Variants in NBAS observed in about 807,000 individuals in gnomAD.
NBAS encodes NAG/BC035112 fusion.
In NBAS, 219 loss-of-function variants were observed where a neutral mutation model predicts 302.5. That is an observed-to-expected ratio of 0.72 (90% CI 0.65 to 0.81). The LOEUF (loss-of-function observed/expected upper bound fraction) is 0.81. Among genes scored for constraint, NBAS ranks in the 30% least tolerant of loss-of-function variants. The pLI is 0.00. For missense variants in NBAS, 2,932 were observed against 2,841.6 expected, an observed-to-expected ratio of 1.03 and a Z score of -0.72; for synonymous variants, 1,118 against 1,021.6, an observed-to-expected ratio of 1.09 and a Z score of -1.80.
At chr2:15,071,067 A>G in the NBAS span, among the ~76,000 whole-genome samples, 1 of 152,154 alleles carries the variant, frequency 6.6e-6, no homozygotes, top group African/African-American at 2.4e-5. Context: ...AGCCACTTCA[A>G]TACAATCCCA....
At chr2:15,498,533 C>G (rs1245480663) in intron 11 of NBAS, among the ~76,000 whole-genome samples, 2 of 152,182 alleles carry the variant, frequency 1.3e-5, no homozygotes, top group African/African-American at 4.8e-5. Flanking sequence ...GGCAATTCCT[C>G]AAAGACCTAA....
chr2:15,130,093 T>C, the NBAS span, among the ~76,000 whole-genome samples: 23 of 152,236 alleles, frequency 1.5e-4, no homozygotes, highest in Admixed American at 2.6e-4. Context: ...CTGGTGGCCT[T>C]TGTCAGTACA....
At chr2:14,884,453 C>A in the NBAS span, among the ~76,000 whole-genome samples, 1 of 152,064 alleles carries the variant, frequency 6.6e-6, no homozygotes, top group Non-Finnish European at 1.5e-5. Context: ...AAATTGCTCA[C>A]CCACCTCAAA....
chr2:14,925,823 C>A, the NBAS span, among the ~76,000 whole-genome samples: 10 of 152,160 alleles, frequency 6.6e-5, no homozygotes, highest in Non-Finnish European at 1.0e-4. Flanking sequence ...CTTTGTCATA[C>A]TATAGAAGAA....
chr2:14,904,496 T>G, the NBAS span, among the ~76,000 whole-genome samples: 1 of 152,134 alleles, frequency 6.6e-6, no homozygotes, highest in African/African-American at 2.4e-5. Flanking sequence ...TTATCCCACC[T>G]TCTTCCAGTA....
chr2:15,519,635 G>A (rs1056330802), intron 9 of NBAS, among the ~76,000 whole-genome samples: 1 of 151,968 alleles, frequency 6.6e-6, no homozygotes, highest in African/African-American at 2.4e-5. Context: ...GTAGAGACAG[G>A]GATCTCCCTA....
chr2:15,203,252 T>C (rs570122714), intron 48 of NBAS, among the ~76,000 whole-genome samples: 5 of 152,328 alleles, frequency 3.3e-5, no homozygotes, highest in East Asian at 1.9e-4. Context: ...TACTTTAGCA[T>C]TGAGATATTA....
the NBAS span, among the ~76,000 whole-genome samples, chr2:14,986,572 A>G: frequency 6.6e-6 from 1 of 152,102 alleles, no homozygotes; most frequent in Admixed American, 6.5e-5. Flanking sequence ...TCATATAAAG[A>G]CCTACTTATA....
chr2:15,133,328 G>A, the NBAS span, among the ~76,000 whole-genome samples: 1 of 151,976 alleles, frequency 6.6e-6, no homozygotes, highest in African/African-American at 2.4e-5. Flanking sequence ...AGCGGGGGGG[G>A]GGCAGGGAAG....
At chr2:15,327,436 G>C (rs1276437226) in intron 38 of NBAS, among the ~76,000 whole-genome samples, 1 of 152,046 alleles carries the variant, frequency 6.6e-6, no homozygotes, top group African/African-American at 2.4e-5. Flanking sequence ...CATAAAATCA[G>C]GAAATAAATT....
chr2:14,877,851 C>T, the NBAS span, among the ~76,000 whole-genome samples: 2 of 152,142 alleles, frequency 1.3e-5, no homozygotes, highest in Non-Finnish European at 2.9e-5. Context: ...TATAAAGGAG[C>T]TTTCTGGCTT....
chr2:15,287,274 A>T, intron 41 of NBAS, 91 bp from the exon 42 acceptor site: 2 of 934,242 alleles, frequency 2.1e-6, no homozygotes, highest in East Asian at 2.5e-5. Flanking sequence ...ACTGCTCTCC[A>T]GTGAGAGAGG....
the NBAS span, among the ~76,000 whole-genome samples, chr2:14,992,465 T>C: frequency 6.6e-6 from 1 of 152,242 alleles, no homozygotes; most frequent in Non-Finnish European, 1.5e-5. Flanking sequence ...CAATTTGTAA[T>C]GGTGCCTCCA....
chr2:14,990,105 A>G, the NBAS span, among the ~76,000 whole-genome samples: 1 of 151,340 alleles, frequency 6.6e-6, no homozygotes, highest in Non-Finnish European at 1.5e-5. Flanking sequence ...CCCATTTCTC[A>G]TTGTAATCCT....
the NBAS span, among the ~76,000 whole-genome samples, chr2:14,929,369 A>G: frequency 7.4e-6 from 1 of 136,000 alleles, no homozygotes; most frequent in Admixed American, 7.0e-5. Flanking sequence ...TTTTTACAGT[A>G]TATTATGTTT....
At chr2:14,911,561 C>T in the NBAS span, among the ~76,000 whole-genome samples, 3 of 152,158 alleles carry the variant, frequency 2.0e-5, no homozygotes, top group African/African-American at 7.2e-5. Flanking sequence ...CCCAGATCTG[C>T]CACTGACAAC....
In NBAS at chr2:15,359,433, A is replaced by C. The variant is rs148924119; in HGVS notation, c.3818-3017T>G. Among the ~76,000 whole-genome samples the C allele has an allele frequency of 3.7e-4, 56 of 152,298 alleles. No individual in the cohort carries two copies. In the East Asian group the frequency reaches 9.6e-3, roughly 26 times the overall value. The stretch of plus-strand genomic sequence containing the variant: ...GGGGGAAAACCTTAAACACAAAATA[A>C]GTTTATAGTTTCACTGACAGTACTA... On this transcript the variant is annotated intron_variant, in intron 32 of 51. Transcript: ENST00000281513.
chr2:15,123,653 T>C, the NBAS span, among the ~76,000 whole-genome samples: 1 of 152,090 alleles, frequency 6.6e-6, no homozygotes, highest in Non-Finnish European at 1.5e-5. Flanking sequence ...CTCCTCTCTG[T>C]CTTGCTCCCA....
chr2:15,032,026 T>G, the NBAS span, among the ~76,000 whole-genome samples: 4 of 152,192 alleles, frequency 2.6e-5, no homozygotes, highest in Non-Finnish European at 5.9e-5. Context: ...AGCGCCACAG[T>G]GCAGATCTGA....
Sources: allele counts gnomAD v4.1 joint callset (sites outside exome capture counted in the v4.1 genomes callset), GRCh38; gene constraint gnomAD v4.1.1; transcripts MANE v1.5; gene names NCBI Gene and HGNC (gene_info 2026-07-23, HGNC 2026-07-21).